ADGRV1: variants seen among roughly 807,000 people sequenced by gnomAD.
ADGRV1 encodes adhesion G protein-coupled receptor V1, also known as G-protein coupled receptor 98.
ADGRV1 carries 359 observed loss-of-function variants against 596.2 expected under a neutral mutation model. That is an observed-to-expected ratio of 0.60 (90% confidence interval 0.55 to 0.66). The LOEUF is 0.66. Ranked by LOEUF, ADGRV1 falls within the 30% of genes least tolerant of loss-of-function variation. The pLI is 0.00. For missense variants in ADGRV1, 7,274 were observed against 7,575.6 expected, an observed-to-expected ratio of 0.96 and a Z score of 1.48; for synonymous variants, 2,681 against 2,679.2, an observed-to-expected ratio of 1.00 and a Z score of -0.02.
At chr5:90,961,509 G>T (rs1379293898) in intron 83 of ADGRV1, among the ~76,000 whole-genome samples, 2 of 139,462 alleles carry the variant, frequency 1.4e-5, no homozygotes, top group African/African-American at 5.7e-5. Flanking sequence ...AAAAAAAAAG[G>T]GGGGGTGGCG....
At chr5:90,691,171 T>A (rs1258575154) in intron 31 of ADGRV1, 130 bp downstream of exon 31, 1 of 1,184,742 alleles carries the variant, frequency 8.4e-7, no homozygotes, top group Non-Finnish European at 1.3e-6. Flanking sequence ...GTTCAAACTA[T>A]GCTAGTGTGA....
intron 83 of ADGRV1, among the ~76,000 whole-genome samples, chr5:90,960,711 C>T (rs561943592): frequency 2.0e-5 from 3 of 151,728 alleles, no homozygotes; most frequent in South Asian, 2.1e-4. Flanking sequence ...AGTTCTACCA[C>T]GTTTTGAAAG....
At chr5:90,916,360 T>C (rs1360525798) in intron 83 of ADGRV1, among the ~76,000 whole-genome samples, 1 of 152,148 alleles carries the variant, frequency 6.6e-6, no homozygotes, top group Non-Finnish European at 1.5e-5. Flanking sequence ...TTACAATGTT[T>C]TATAAATCTA....
chr5:90,731,950 A>T lies in ADGRV1; in HGVS notation c.10549+2186A>T, dbSNP rs544150299. ...CATTGGTTTTATTTTAATTTTTGAA[A>T]ATCTCTTTAATGTCTGGTTTAATAC... On this transcript the variant is annotated intron_variant, in intron 50 of 89. Transcript: ENST00000405460. Among the ~76,000 whole-genome samples the T allele has an allele frequency of 1.1e-4, 17 of 152,248 alleles. No individual in the cohort carries two copies. The South Asian group carries it at 3.3e-3, about 30-fold the overall frequency.
At chr5:90,831,280 TACAC>T (rs539222542) in intron 77 of ADGRV1, among the ~76,000 whole-genome samples, 8 of 149,542 alleles carry the variant, frequency 5.3e-5, no homozygotes, top group African/African-American at 7.4e-5. Context: ...TACATATATA[TACAC>T]ACACACACAC....
rs1756804939 is a variant in ADGRV1, at chr5:90,764,004, C to CCTG, written c.12285+537_12285+539dup. Among the ~76,000 whole-genome samples, 6 of 152,228 alleles carry CCTG rather than the reference C, an allele frequency of 3.9e-5. No individual in the cohort carries two copies. The South Asian group carries it at 1.2e-3, about 32-fold the overall frequency. On this transcript the variant is annotated intron_variant, in intron 59 of 89. Coordinates refer to ENST00000405460, the MANE Select transcript of ADGRV1 (RefSeq NM_032119.4). Reference sequence around the variant, plus strand: ...TGATGTCTGATGTTGAGTGGAAGCACCTGCCCTGGTGTGGGCTGCAGGGAG... The same window carrying CCTG: ...TGATGTCTGATGTTGAGTGGAAGCACCTGCTGCCCTGGTGTGGGCTGCAGGGAG...
chr5:90,933,276 G>A lies in ADGRV1; in HGVS notation c.17857-32139G>A, dbSNP rs1016822375. On this transcript the variant is annotated intron_variant, in intron 83 of 89. Transcript: ENST00000405460. ...ACACCAGAGTAGGATTAATTGCAAT[G>A]ACAAAGGGTAATGTTGTAAAAGGAT... is the stretch of plus-strand genomic sequence containing the variant. 7.2e-5 allele frequency among the ~76,000 whole-genome samples: 11 copies of A among 152,238 alleles called. No individual in the cohort carries two copies. The East Asian group carries it at 2.1e-3, about 29-fold the overall frequency.
At chr5:91,033,207 T>C (rs908149227) in intron 85 of ADGRV1, among the ~76,000 whole-genome samples, 1 of 152,222 alleles carries the variant, frequency 6.6e-6, no homozygotes, top group African/African-American at 2.4e-5. Flanking sequence ...AAAATACATA[T>C]ACTTAAAAAC....
intron 56 of ADGRV1, 25 bp downstream of exon 56, chr5:90,756,655 C>T (rs1755863969): frequency 1.3e-6 from 2 of 1,592,244 alleles, no homozygotes; most frequent in African/African-American, 1.3e-5. Context: ...CATTTGTTTA[C>T]AGTCATACAG....
At chr5:91,061,739 A>C (rs1581935832) in intron 85 of ADGRV1, among the ~76,000 whole-genome samples, 2 of 152,278 alleles carry the variant, frequency 1.3e-5, no homozygotes, top group Middle Eastern at 3.4e-3. Flanking sequence ...GTCCTTTGGC[A>C]TTTTTTGAGG....
intron 85 of ADGRV1, among the ~76,000 whole-genome samples, chr5:91,062,887 A>T (rs1787563718): frequency 6.6e-6 from 1 of 150,944 alleles, no homozygotes; most frequent in Non-Finnish European, 1.5e-5. Flanking sequence ...AGATGTAAAG[A>T]TTAACTAGTT....
At chr5:90,729,587 T>C (rs1752263881) in intron 49 of ADGRV1, 55 bp from the exon 50 acceptor site, 4 of 1,361,418 alleles carry the variant, frequency 2.9e-6, no homozygotes, top group Non-Finnish European at 4.1e-6. Context: ...TGTAATTTTG[T>C]CATTTTTTTC....
Position 90,651,825 on chromosome 5 carries a change from G to C in ADGRV1, c.3416+95G>C, listed in dbSNP as rs1768668595. On this transcript the variant is annotated intron_variant, in intron 18 of 89. Transcript: ENST00000405460. ...AATATTCCTTCAAAATTTAAAAATT[G>C]GTTAAGAATTGAGTAATTTCAAAGT... 6.2e-6 allele frequency: 5 copies of C among 811,334 alleles called. No individual in the cohort carries two copies. The South Asian group carries it at 7.1e-5, about 12-fold the overall frequency. 50.3% of individuals were successfully genotyped at this position (811,334 alleles called of 1,614,324 possible). A position where few individuals can be genotyped will look rare whatever the true frequency, so the allele number is the denominator to read the frequency against.
At chr5:90,814,672 G>C (rs906594962) in intron 74 of ADGRV1, among the ~76,000 whole-genome samples, 1 of 152,134 alleles carries the variant, frequency 6.6e-6, no homozygotes, top group African/African-American at 2.4e-5. Context: ...CCCTTCCACC[G>C]TGATTGTAAG....
intron 83 of ADGRV1, among the ~76,000 whole-genome samples, chr5:90,866,681 A>G (rs1210584241): frequency 6.6e-6 from 1 of 152,020 alleles, no homozygotes; most frequent in African/African-American, 2.4e-5. Context: ...ATGCAAATGT[A>G]CCATAAGAAA....
At chr5:91,054,091 G>GTA (rs1786600620) in intron 85 of ADGRV1, among the ~76,000 whole-genome samples, 2 of 129,810 alleles carry the variant, frequency 1.5e-5, no homozygotes, top group Non-Finnish European at 3.3e-5. Flanking sequence ...GTGTGTGTGT[G>GTA]TGTGTGTGTG....
intron 83 of ADGRV1, among the ~76,000 whole-genome samples, chr5:90,953,982 T>A (rs181189252): frequency 1.3e-5 from 2 of 152,032 alleles, no homozygotes; most frequent in Non-Finnish European, 2.9e-5. Flanking sequence ...TTATTTTAAC[T>A]ATGCCAATGG....
chr5:90,801,862 A>G (rs1324395807), intron 70 of ADGRV1, among the ~76,000 whole-genome samples: 1 of 152,246 alleles, frequency 6.6e-6, no homozygotes, highest in East Asian at 1.9e-4. Context: ...ACATCAATAC[A>G]TAAATTCCAG....
At chr5:90,976,233 T>TAC (rs1485237381) in intron 84 of ADGRV1, among the ~76,000 whole-genome samples, 18 of 146,456 alleles carry the variant, frequency 1.2e-4, no homozygotes, top group East Asian at 4.0e-4. Context: ...TATATATATA[T>TAC]ACACAATGTA....
Sources: allele counts gnomAD v4.1 joint callset (sites outside exome capture counted in the v4.1 genomes callset), GRCh38; gene constraint gnomAD v4.1.1; transcripts MANE v1.5; gene names NCBI Gene and HGNC (gene_info 2026-07-23, HGNC 2026-07-21).